DYNC1LI1: variants seen among roughly 807,000 people sequenced by gnomAD.
DYNC1LI1 encodes dynein cytoplasmic 1 light intermediate chain 1.
A neutral mutation model predicts 63.8 loss-of-function variants in DYNC1LI1; 19 were observed. The ratio of observed to expected loss-of-function variants is 0.30; its 90% confidence interval spans 0.21 to 0.44. The LOEUF is 0.44. Among genes scored for constraint, DYNC1LI1 ranks in the 20% least tolerant of loss-of-function variants. The pLI is 1.00. For missense variants in DYNC1LI1, 565 were observed against 630.2 expected (o/e 0.90, Z 1.11); for synonymous variants, 225 against 232.3 (o/e 0.97, Z 0.28).
intron 6 of DYNC1LI1, among the ~76,000 whole-genome samples, chr3:32,536,731 A>G (rs1184226814): frequency 6.6e-6 from 1 of 152,230 alleles, no homozygotes; most frequent in African/African-American, 2.4e-5. Flanking sequence ...GTTCATAACT[A>G]CATACAGCTT....
Position 32,534,533 on chromosome 3 carries a change from C to T in DYNC1LI1, c.946G>A (p.Val316Met). The part of the protein sequence containing the change: ...GFPYKIPAVV[V>M]EKDAVFIPAG... ...TACATAAATACTGCATCCTTTTCCA[C>T]AACAACAGCAGGAATCTTATAGGGA... The change falls in exon 7 of 13, where the codon GTG becomes ATG. Residue 316 changes from valine to methionine, a missense_variant. Transcript: ENST00000273130. 6.3e-7 allele frequency: 1 copy of T among 1,590,894 alleles called. No homozygotes were observed. Among genetic ancestry groups the T allele is most frequent in the South Asian group, 1.1e-5 (1 of 89,034 alleles).
chr3:32,567,061 A>T (rs1698269721), intron 2 of DYNC1LI1, among the ~76,000 whole-genome samples: 1 of 152,158 alleles, frequency 6.6e-6, no homozygotes, highest in Non-Finnish European at 1.5e-5. Flanking sequence ...AAATATTTGG[A>T]TTTTCCTTTA....
chr3:32,560,525 C>T lies in DYNC1LI1; in HGVS notation c.220+9821G>A, dbSNP rs145572132. On this transcript the variant is annotated intron_variant, in intron 2 of 12. Coordinates refer to ENST00000273130, the MANE Select transcript of DYNC1LI1 (RefSeq NM_016141.4). Reference sequence around the variant, plus strand: ...AAAATAGTAAACATGCTACATAATACGGTACCTAGCAGAACACCCAACACA... The same window carrying T: ...AAAATAGTAAACATGCTACATAATATGGTACCTAGCAGAACACCCAACACA... 3.4e-4 allele frequency among the ~76,000 whole-genome samples: 51 copies of T among 152,190 alleles called. 1 individual carries two copies. Among genetic ancestry groups the T allele is most frequent in the African/African-American group, 9.9e-4 (41 of 41,530 alleles).
chr3:32,528,105 T>TC (rs1407163725), intron 12 of DYNC1LI1, among the ~76,000 whole-genome samples: 2 of 35,494 alleles, frequency 5.6e-5, no homozygotes, highest in Non-Finnish European at 5.0e-5. Context: ...AGAACAAGAC[T>TC]CCATCTCAAA....
chr3:32,569,880 C>T (rs1698318303), intron 2 of DYNC1LI1, among the ~76,000 whole-genome samples: 1 of 152,258 alleles, frequency 6.6e-6, no homozygotes, highest in Admixed American at 6.5e-5. Flanking sequence ...AACGCTGAAT[C>T]AAGAACATTT....
In DYNC1LI1 at chr3:32,570,712, G is replaced by A. The variant is rs765707124; in HGVS notation, c.59C>T (p.Thr20Ile). ...GTTGCCCAAGGGGCCGCCAGTGTAAGTCGAGGATAATCCCGGCGGAGAAGA... is the reference window on the plus strand; with the variant it reads ...GTTGCCCAAGGGGCCGCCAGTGTAAATCGAGGATAATCCCGGCGGAGAAGA... ...FGSSPPGLSS[T>I]YTGGPLGNEI... The change falls in exon 1 of 13, where the codon ACT becomes ATT. Residue 20 changes from threonine to isoleucine, a missense_variant. Thr to Ile is a moderately conservative substitution (Grantham distance 89). Coordinates refer to ENST00000273130, the MANE Select transcript of DYNC1LI1 (RefSeq NM_016141.4). 1.9e-6 allele frequency: 3 copies of A among 1,609,804 alleles called. No individual in the cohort carries two copies. The highest frequency in any genetic ancestry group is 1.1e-5 in the South Asian group (1 of 90,668).
At chr3:32,534,099 G>C (rs538129171) in intron 7 of DYNC1LI1, among the ~76,000 whole-genome samples, 1 of 150,918 alleles carries the variant, frequency 6.6e-6, no homozygotes, top group Non-Finnish European at 1.5e-5. Flanking sequence ...GGCTTGTCTC[G>C]AACTCCTGAC....
In DYNC1LI1 at chr3:32,546,100, A is replaced by C. The variant is rs554082380; in HGVS notation, c.221-135T>G. 37 of 616,812 alleles carry C rather than the reference A, an allele frequency of 6.0e-5. 1 individual carries two copies. The highest frequency in any genetic ancestry group is 5.0e-4 in the South Asian group (25 of 49,786). The allele number at this position is 616,812 out of a possible 1,614,324, so 38.2% of individuals were successfully genotyped here. On this transcript the variant is annotated intron_variant, in intron 2 of 12. Transcript: ENST00000273130. ...GCAATTTGATGAAATATAATGGAGC[A>C]GCTACAGTATTAAACATGCAGACTT...
chr3:32,560,106 G>A (rs1292375121), intron 2 of DYNC1LI1, among the ~76,000 whole-genome samples: 1 of 152,156 alleles, frequency 6.6e-6, no homozygotes, highest in African/African-American at 2.4e-5. Context: ...ATGTCAAGGG[G>A]TGCCTGTAGA....
chr3:32,541,184 A>G lies in DYNC1LI1; in HGVS notation c.591T>C (p.Tyr197=), dbSNP rs1451568719. 3.7e-6 allele frequency: 6 copies of G among 1,609,594 alleles called. 1 individual carries two copies. The highest frequency in any genetic ancestry group is 1.7e-5 in the Admixed American group (1 of 59,098). The change falls in exon 5 of 13, where the codon TAT becomes TAC. Residue 197 remains tyrosine, a synonymous_variant. Coordinates refer to ENST00000273130, the MANE Select transcript of DYNC1LI1 (RefSeq NM_016141.4). The stretch of plus-strand genomic sequence containing the variant: ...CCGGGAAGTCTTCTCCTGGCTCTAC[A>G]TATTCTTGGAAGTCTCTAATCACTG... The part of the protein sequence containing the change: ...EQKLIRDFQE[Y]VEPGEDFPAS...
chr3:32,565,046 T>C (rs1698240595), intron 2 of DYNC1LI1, among the ~76,000 whole-genome samples: 1 of 152,236 alleles, frequency 6.6e-6, no homozygotes, highest in Non-Finnish European at 1.5e-5. Flanking sequence ...GACTTTTGGC[T>C]GCATATTACC....
At chr3:32,548,027 C>T (rs913937680) in intron 2 of DYNC1LI1, among the ~76,000 whole-genome samples, 1 of 152,022 alleles carries the variant, frequency 6.6e-6, no homozygotes, top group East Asian at 1.9e-4. Context: ...ATATTATACA[C>T]ACACATACTC....
chr3:32,555,942 C>A (rs994107786), intron 2 of DYNC1LI1, among the ~76,000 whole-genome samples: 8 of 152,228 alleles, frequency 5.3e-5, no homozygotes, highest in African/African-American at 1.9e-4. Flanking sequence ...TTGGAATTTT[C>A]GTAAGATGTG....
At chr3:32,550,408 G>A (rs898124543) in intron 2 of DYNC1LI1, among the ~76,000 whole-genome samples, 15 of 152,144 alleles carry the variant, frequency 9.9e-5, no homozygotes, top group African/African-American at 3.6e-4. Flanking sequence ...TCCAGCCTAG[G>A]CAGCAAGAGT....
At chr3:32,561,265 C>A (rs577519699) in intron 2 of DYNC1LI1, among the ~76,000 whole-genome samples, 1 of 151,192 alleles carries the variant, frequency 6.6e-6, no homozygotes, top group South Asian at 2.1e-4. Flanking sequence ...TACTAGATAG[C>A]CAAAGATTAA....
At chr3:32,557,342 C>T (rs1227652942) in intron 2 of DYNC1LI1, among the ~76,000 whole-genome samples, 2 of 151,956 alleles carry the variant, frequency 1.3e-5, no homozygotes, top group African/African-American at 2.4e-5. Context: ...ATGACGAAAC[C>T]CTATCTCTAC....
At position 32,530,338 on chromosome 3, in the gene DYNC1LI1, A is replaced by C; in HGVS notation, c.1141-10T>G. On this transcript the variant is annotated splice_polypyrimidine_tract_variant and intron_variant, in intron 9 of 12. Transcript: ENST00000273130. ...GCTTTGCTAAAAGGGACTGAAAAAA[A>C]AAAAAAAAAAGAATCCTAGTTTAGA... The C allele has an allele frequency of 6.2e-7, 1 of 1,603,296 alleles. No individual in the cohort carries two copies. Among genetic ancestry groups the C allele is most frequent in the Non-Finnish European group, 8.5e-7 (1 of 1,176,580 alleles).
chr3:32,564,814 T>C (rs1056401704), intron 2 of DYNC1LI1, among the ~76,000 whole-genome samples: 5 of 152,138 alleles, frequency 3.3e-5, no homozygotes, highest in Admixed American at 1.3e-4. Context: ...ACCAAATCAA[T>C]AGTTTTAGAC....
chr3:32,552,571 A>G (rs1379570553), intron 2 of DYNC1LI1, among the ~76,000 whole-genome samples: 1 of 152,118 alleles, frequency 6.6e-6, no homozygotes, highest in Admixed American at 6.6e-5. Flanking sequence ...CCCAACCTCA[A>G]AAGCAAGCTC....
Sources: allele counts gnomAD v4.1 joint callset (sites outside exome capture counted in the v4.1 genomes callset), GRCh38; gene constraint gnomAD v4.1.1; transcripts MANE v1.5; gene names NCBI Gene and HGNC (gene_info 2026-07-23, HGNC 2026-07-21).